Variants in SNTG1 observed in about 807,000 individuals in gnomAD.
SNTG1 encodes gamma-1-syntrophin.
In SNTG1, 39 loss-of-function variants were observed where a neutral mutation model predicts 74.7. The ratio of observed to expected loss-of-function variants is 0.52; its 90% confidence interval spans 0.40 to 0.68. The LOEUF (loss-of-function observed/expected upper bound fraction) is 0.68. Among genes scored for constraint, SNTG1 ranks in the 30% least tolerant of loss-of-function variants. SNTG1 has a pLI of 0.00. For missense variants in SNTG1, 685 were observed against 609.5 expected, an observed-to-expected ratio of 1.12 and a Z score of -1.30; for synonymous variants, 254 against 217.1, an observed-to-expected ratio of 1.17 and a Z score of -1.49.
intron 12 of SNTG1, among the ~76,000 whole-genome samples, chr8:50,572,587 T>A (rs1240450912): frequency 1.3e-5 from 2 of 152,174 alleles, no homozygotes; most frequent in Non-Finnish European, 2.9e-5. Flanking sequence ...TGATTTTAAT[T>A]TTTATACATA....
chr8:50,533,532 GT>G, intron 10 of SNTG1, among the ~76,000 whole-genome samples: 1 of 152,158 alleles, frequency 6.6e-6, no homozygotes, highest in Admixed American at 6.5e-5. Flanking sequence ...AAGTGATTGT[GT>G]TTTTAGACTA....
chr8:50,428,630 C>G (rs2093194180), intron 4 of SNTG1, among the ~76,000 whole-genome samples: 1 of 152,108 alleles, frequency 6.6e-6, no homozygotes, highest in Non-Finnish European at 1.5e-5. Flanking sequence ...TGTTAATCTC[C>G]TTTTTCACCA....
At chr8:50,671,179 C>T (rs1411128994) in intron 15 of SNTG1, among the ~76,000 whole-genome samples, 2 of 151,868 alleles carry the variant, frequency 1.3e-5, no homozygotes, top group Non-Finnish European at 2.9e-5. Flanking sequence ...CAACAAAAGC[C>T]AAAATTGACA....
chr8:50,738,997 G>A (rs2095536149), intron 17 of SNTG1, among the ~76,000 whole-genome samples: 1 of 152,044 alleles, frequency 6.6e-6, no homozygotes, highest in Non-Finnish European at 1.5e-5. Flanking sequence ...CAGGACATAG[G>A]CATGAGCAAA....
At chr8:50,002,114 C>G (rs76862480) in intron 1 of SNTG1, among the ~76,000 whole-genome samples, 2,876 of 152,174 alleles carry the variant, frequency 0.019, 87 homozygotes, top group African/African-American at 0.066. Flanking sequence ...TACTGAATCT[C>G]TAGAAACTAT....
chr8:50,737,128 G>T (rs971610055), intron 17 of SNTG1, among the ~76,000 whole-genome samples: 1 of 151,902 alleles, frequency 6.6e-6, no homozygotes, highest in Non-Finnish European at 1.5e-5. Flanking sequence ...CCAGGAGCTG[G>T]TTTTTTGAAA....
chr8:50,670,770 T>C (rs1437180696), intron 15 of SNTG1, among the ~76,000 whole-genome samples: 4 of 149,564 alleles, frequency 2.7e-5, no homozygotes, highest in Admixed American at 6.7e-5. Flanking sequence ...GCTGGAGGCA[T>C]CACGCTACCT....
chr8:50,286,108 T>G (rs926679443), intron 2 of SNTG1, among the ~76,000 whole-genome samples: 1 of 147,540 alleles, frequency 6.8e-6, no homozygotes, highest in Non-Finnish European at 1.5e-5. Flanking sequence ...TTTTCCTATA[T>G]GACCATTCTG....
chr8:50,457,654 G>A (rs550018904), intron 8 of SNTG1, among the ~76,000 whole-genome samples: 128 of 152,278 alleles, frequency 8.4e-4, no homozygotes, highest in South Asian at 1.7e-3. Context: ...ATAGAGAGCA[G>A]ATAGACAAGA....
intron 1 of SNTG1, among the ~76,000 whole-genome samples, chr8:50,005,520 T>C (rs1815136543): frequency 6.6e-6 from 1 of 152,064 alleles, no homozygotes; most frequent in Non-Finnish European, 1.5e-5. Context: ...ATATGGTATA[T>C]ATTTGTTAAA....
intron 1 of SNTG1, among the ~76,000 whole-genome samples, chr8:49,996,388 C>G (rs571633964): frequency 6.6e-6 from 1 of 151,548 alleles, no homozygotes; most frequent in Admixed American, 6.6e-5. Flanking sequence ...TTTTTTACCT[C>G]CACAATGTTT....
At chr8:49,955,950 C>T (rs947932139) in intron 1 of SNTG1, among the ~76,000 whole-genome samples, 3 of 152,188 alleles carry the variant, frequency 2.0e-5, no homozygotes, top group Admixed American at 2.0e-4. Flanking sequence ...TATGTCATCT[C>T]ATTTTCTATG....
chr8:50,712,819 G>A (rs539268070), intron 17 of SNTG1, among the ~76,000 whole-genome samples: 189 of 152,110 alleles, frequency 1.2e-3, no homozygotes, highest in African/African-American at 4.4e-3. Flanking sequence ...CCATGTCCCC[G>A]CAAAGGACAT....
chr8:50,415,715 C>T (rs2093005627), intron 4 of SNTG1, among the ~76,000 whole-genome samples: 1 of 151,800 alleles, frequency 6.6e-6, no homozygotes, highest in Non-Finnish European at 1.5e-5. Flanking sequence ...TGCTATCATA[C>T]ATATTGTTAA....
chr8:50,107,213 A>G (rs1219955195), intron 1 of SNTG1, among the ~76,000 whole-genome samples: 1 of 152,190 alleles, frequency 6.6e-6, no homozygotes, highest in East Asian at 1.9e-4. Flanking sequence ...ATAAATTCTC[A>G]AGACTATCCT....
chr8:50,618,643 C>T (rs749534615), intron 13 of SNTG1, among the ~76,000 whole-genome samples: 26 of 152,244 alleles, frequency 1.7e-4, no homozygotes, highest in Admixed American at 5.9e-4. Flanking sequence ...CTGGAGGCTC[C>T]GCTGTGGAAG....
chr8:50,536,596 C>A, intron 10 of SNTG1, 82 bp from the exon 11 acceptor site: 1 of 1,479,624 alleles, frequency 6.8e-7, no homozygotes, highest in Non-Finnish European at 9.1e-7. Context: ...AAAATAATAT[C>A]CCCCAGATAA....
chr8:50,338,301 A>G (rs2091216663), intron 2 of SNTG1, among the ~76,000 whole-genome samples: 1 of 152,164 alleles, frequency 6.6e-6, no homozygotes, highest in African/African-American at 2.4e-5. Flanking sequence ...TCCTGGCAAG[A>G]CAAATGCAAT....
intron 1 of SNTG1, among the ~76,000 whole-genome samples, chr8:50,087,706 C>G (rs1049010305): frequency 6.6e-6 from 1 of 152,018 alleles, no homozygotes; most frequent in African/African-American, 2.4e-5. Flanking sequence ...TAAATGTAAA[C>G]AATTAGACAG....
Sources: gnomAD v4.1 joint callset for allele counts (sites outside exome capture counted in the v4.1 genomes callset) on GRCh38, gnomAD v4.1.1 for gene constraint, MANE v1.5 for transcripts, NCBI Gene and HGNC (gene_info 2026-07-23, HGNC 2026-07-21) for gene names.